The following KCNJ4 variants were observed in gnomAD, a reference collection of about 807,000 sequenced individuals.
KCNJ4 encodes the protein inward rectifier potassium channel 4.
A neutral mutation model predicts 25.6 loss-of-function variants in KCNJ4; 3 were observed. The observed-to-expected ratio is 0.12, with a 90% CI of 0.05 to 0.30. The LOEUF is 0.30. KCNJ4 is among the 10% of genes least tolerant of loss of function. The pLI, the probability that KCNJ4 is intolerant of heterozygous loss-of-function variation, is 1.00. For synonymous variants in KCNJ4, 257 were observed against 283.9 expected (o/e 0.91, Z 0.95); for missense variants, 286 against 666.8 (o/e 0.43, Z 6.29).
At chr22:38,447,110 GC>G (rs1199191818) in intron 1 of KCNJ4, among the ~76,000 whole-genome samples, 1 of 152,104 alleles carries the variant, frequency 6.6e-6, no homozygotes, top group Non-Finnish European at 1.5e-5. Flanking sequence ...CACGGGCCTC[GC>G]CTGGGACAAC....
intron 1 of KCNJ4, among the ~76,000 whole-genome samples, chr22:38,430,998 G>A (rs963945365): frequency 6.6e-6 from 1 of 152,240 alleles, no homozygotes; most frequent in African/African-American, 2.4e-5. Context: ...GGGTTTTGGG[G>A]CAAGGGAAGA....
intron 1 of KCNJ4, among the ~76,000 whole-genome samples, chr22:38,446,558 G>C (rs1326359735): frequency 6.6e-6 from 1 of 152,220 alleles, no homozygotes; most frequent in African/African-American, 2.4e-5. Flanking sequence ...ATCAGGCCCA[G>C]CAGTGCCCTT....
chr22:38,426,930 C>T lies in KCNJ4; in HGVS notation c.1203G>A (p.Leu401=), dbSNP rs747294399. Residue 401 remains leucine, a synonymous_variant, in exon 2 of 2, where the codon CTG becomes CTA. Coordinates refer to ENST00000303592, the MANE Select transcript of KCNJ4 (RefSeq NM_152868.3). ...AAAAAAVAAG[L]GLEAGSKEEA... Reference sequence around the variant, plus strand: ...CCTCCTTGGAACCCGCCTCCAGGCCCAGGCCTGCGGCCACCGCGGCCGCCG... The same window carrying T: ...CCTCCTTGGAACCCGCCTCCAGGCCTAGGCCTGCGGCCACCGCGGCCGCCG... The T allele has an allele frequency of 6.2e-7, 1 of 1,612,704 alleles. No homozygotes were observed. The highest frequency in any genetic ancestry group is 8.5e-7 in the Non-Finnish European group (1 of 1,179,866).
chr22:38,431,888 A>G (rs983080776), intron 1 of KCNJ4, among the ~76,000 whole-genome samples: 1 of 151,864 alleles, frequency 6.6e-6, no homozygotes, highest in African/African-American at 2.4e-5. Flanking sequence ...GGGAAGGCTG[A>G]CGATGGCAGG....
chr22:38,441,571 G>A (rs1399827501), intron 1 of KCNJ4, among the ~76,000 whole-genome samples: 1 of 152,102 alleles, frequency 6.6e-6, no homozygotes, highest in Non-Finnish European at 1.5e-5. Flanking sequence ...AGGGGGATGG[G>A]GGCTAATGTG....
intron 1 of KCNJ4, among the ~76,000 whole-genome samples, chr22:38,446,123 G>A (rs776782241): frequency 2.0e-5 from 3 of 152,194 alleles, no homozygotes; most frequent in Non-Finnish European, 4.4e-5. Flanking sequence ...AGGACAGGGC[G>A]CTCACCCACT....
Position 38,449,577 on chromosome 22 carries a change from A to G in KCNJ4, c.-40+5403T>C, listed in dbSNP as rs2089398009. On this transcript the variant is annotated intron_variant, in intron 1 of 1. Coordinates refer to ENST00000303592, the MANE Select transcript of KCNJ4 (RefSeq NM_152868.3). This position sits in a 1 kb window ranked among gnomAD's most constrained non-coding sequence, Gnocchi z 5.2. Reference sequence around the variant, plus strand: ...GCCTGAGCATGCACGCGCAGGCTGAAAGGGGGCTGCGAGCAGGTGGGGCAA... The same window carrying G: ...GCCTGAGCATGCACGCGCAGGCTGAGAGGGGGCTGCGAGCAGGTGGGGCAA... 6.6e-6 allele frequency among the ~76,000 whole-genome samples: 1 copy of G among 152,138 alleles called. No individual in the cohort carries two copies.
intron 1 of KCNJ4, among the ~76,000 whole-genome samples, chr22:38,450,095 C>T (rs1245438639): frequency 1.3e-5 from 2 of 152,178 alleles, no homozygotes; most frequent in Non-Finnish European, 2.9e-5. Flanking sequence ...GTTTGAGCAG[C>T]GATCAGCCCA....
chr22:38,439,175 T>C (rs2089314293), intron 1 of KCNJ4, among the ~76,000 whole-genome samples: 1 of 151,866 alleles, frequency 6.6e-6, no homozygotes, highest in Non-Finnish European at 1.5e-5. Context: ...ACCTGTGAGG[T>C]GCAATCCCAG....
In KCNJ4 at chr22:38,427,098, C is replaced by T. The variant is rs749769515; in HGVS notation, c.1035G>A (p.Thr345=). The T allele has an allele frequency of 1.5e-5, 24 of 1,612,810 alleles. No individual in the cohort carries two copies. Among genetic ancestry groups the T allele is most frequent in the South Asian group, 4.4e-5 (4 of 91,086 alleles). ...GCAGCTCCCGGGCCGAGCAGCAGGG[C>T]GTGCCGGCCACCTCGTAGGTCTTGT... The part of the protein sequence containing the change: ...RFHKTYEVAG[T]PCCSARELQE... The change falls in exon 2 of 2, where the codon ACG becomes ACA. Residue 345 remains threonine (T), a synonymous_variant. Transcript: ENST00000303592.
chr22:38,447,271 G>A (rs1408959519), intron 1 of KCNJ4, among the ~76,000 whole-genome samples: 2 of 152,196 alleles, frequency 1.3e-5, no homozygotes, highest in Non-Finnish European at 2.9e-5. Context: ...AGACACGAGT[G>A]GGCTTCCCCG....
intron 1 of KCNJ4, among the ~76,000 whole-genome samples, chr22:38,447,265 A>G (rs1294670474): frequency 3.3e-5 from 5 of 152,182 alleles, no homozygotes; most frequent in African/African-American, 1.2e-4. Flanking sequence ...CCTTCCAGAC[A>G]CGAGTGGGCT....
intron 1 of KCNJ4, among the ~76,000 whole-genome samples, chr22:38,451,500 C>A (rs1475791991): frequency 6.6e-6 from 1 of 152,122 alleles, no homozygotes; most frequent in Admixed American, 6.6e-5. Flanking sequence ...GGGATTAGTG[C>A]CCAAGGACAG....
chr22:38,444,916 G>A (rs2016507576), intron 1 of KCNJ4, among the ~76,000 whole-genome samples: 1 of 152,222 alleles, frequency 6.6e-6, no homozygotes, highest in Non-Finnish European at 1.5e-5. Flanking sequence ...TGCCAGATGT[G>A]TCTCAACACA....
intron 1 of KCNJ4, among the ~76,000 whole-genome samples, chr22:38,453,817 A>G (rs138666419): frequency 3.9e-5 from 6 of 152,300 alleles, no homozygotes; most frequent in Admixed American, 6.5e-5. Context: ...CCCTCCTCCC[A>G]GTGAGAATGG....
chr22:38,441,925 T>C (rs1159050228), intron 1 of KCNJ4, among the ~76,000 whole-genome samples: 1 of 152,220 alleles, frequency 6.6e-6, no homozygotes, highest in Non-Finnish European at 1.5e-5. Flanking sequence ...CTTCAAGATG[T>C]ATTTTTAAGC....
intron 1 of KCNJ4, among the ~76,000 whole-genome samples, chr22:38,439,392 AT>A (rs1426473727): frequency 2.0e-5 from 3 of 152,206 alleles, no homozygotes; most frequent in Non-Finnish European, 4.4e-5. Context: ...AGGTCACACC[AT>A]TGCACTCTAG....
At chr22:38,452,342 C>G (rs2089414803) in intron 1 of KCNJ4, among the ~76,000 whole-genome samples, 1 of 152,200 alleles carries the variant, frequency 6.6e-6, no homozygotes, top group Admixed American at 6.5e-5. Flanking sequence ...TCCACCCAGA[C>G]AGGGGGCTGG....
intron 1 of KCNJ4, among the ~76,000 whole-genome samples, chr22:38,445,562 G>A (rs1467509574): frequency 6.6e-6 from 1 of 152,076 alleles, no homozygotes; most frequent in Non-Finnish European, 1.5e-5. Context: ...CAGCTCAATT[G>A]CAACCTCCTG....
Sources: allele counts gnomAD v4.1 joint callset (sites outside exome capture counted in the v4.1 genomes callset), GRCh38; gene constraint gnomAD v4.1.1; non-coding constraint Gnocchi (gnomAD v3.1); transcripts MANE v1.5; gene names NCBI Gene and HGNC (gene_info 2026-07-23, HGNC 2026-07-21).